Variants in JSRP1 observed in about 807,000 individuals in gnomAD.
The protein encoded by JSRP1 is 2310032K21Rik.
A neutral mutation model predicts 21.4 loss-of-function variants in JSRP1; 29 were observed. The ratio of observed to expected loss-of-function variants is 1.36; its 90% confidence interval spans 1.01 to 1.85. The LOEUF (loss-of-function observed/expected upper bound fraction) is 1.85, where lower values mean the gene tolerates loss of function less well. Ranked by LOEUF, JSRP1 falls within the 40% of genes most tolerant of loss-of-function variation. JSRP1 has a pLI of 0.00. For missense variants in JSRP1, 531 were observed against 461.5 expected (o/e 1.15, Z -1.38); for synonymous variants, 221 against 206.1 (o/e 1.07, Z -0.62).
At position 2,256,365 on chromosome 19, in the gene JSRP1, C is replaced by G. The variant is rs897560899; in HGVS notation, c.-31+18G>C. Reference sequence around the variant, plus strand: ...GGATTCCCCCAGCCTCACTTCCTTACCCCCGAGCCTCGCTTACCCGCCAGC... The same window carrying G: ...GGATTCCCCCAGCCTCACTTCCTTAGCCCCGAGCCTCGCTTACCCGCCAGC... On this transcript the variant is annotated intron_variant, in intron 1 of 6. Transcript: ENST00000300961. The G allele has an allele frequency of 6.6e-6, 1 of 152,554 alleles. No homozygotes were observed. Among genetic ancestry groups the G allele is most frequent in the Non-Finnish European group, 1.5e-5 (1 of 68,298 alleles). 9.5% of individuals were successfully genotyped at this position (152,554 alleles called of 1,614,324 possible).
chr19:2,252,255 C>T lies in JSRP1; in HGVS notation c.*74G>A. ...GTAAAGGAGCAGGTGACTCTGCGGC[C>T]GCAGCACTCGCTTTATTTCGCCAGA... On this transcript the variant is annotated 3_prime_UTR_variant, in exon 7 of 7. Transcript: ENST00000300961. 1.5e-6 allele frequency: 2 copies of T among 1,322,494 alleles called. No individual in the cohort carries two copies. The highest frequency in any genetic ancestry group is 2.5e-5 in the East Asian group (1 of 39,346). 81.9% of individuals were successfully genotyped at this position (1,322,494 alleles called of 1,614,324 possible). A position where few individuals can be genotyped will look rare whatever the true frequency, so the allele number is the denominator to read the frequency against.
chr19:2,253,264 G>A lies in JSRP1; in HGVS notation c.437-261C>T, dbSNP rs993664466. Among the ~76,000 whole-genome samples the A allele has an allele frequency of 1.0e-3, 154 of 152,234 alleles. 1 individual carries two copies. The highest frequency in any genetic ancestry group is 1.9e-3 in the Non-Finnish European group (127 of 68,030). On this transcript the variant is annotated intron_variant, in intron 5 of 6. Coordinates refer to ENST00000300961, the MANE Select transcript of JSRP1 (RefSeq NM_144616.4). Reference sequence around the variant, plus strand: ...CTGTAGGAGGCCCCTAGCAAGGGAGGGGTCGCAGGAGTGCCCCCGGGGGGC... The same window carrying A: ...CTGTAGGAGGCCCCTAGCAAGGGAGAGGTCGCAGGAGTGCCCCCGGGGGGC...
At chr19:2,256,139 T>C (rs1250902034) in intron 1 of JSRP1, among the ~76,000 whole-genome samples, 1 of 152,114 alleles carries the variant, frequency 6.6e-6, no homozygotes. Context: ...GGTGTCCCTG[T>C]ATCTAGGCTG....
At chr19:2,254,897 AT>A (rs1303021140) in intron 2 of JSRP1, among the ~76,000 whole-genome samples, 3 of 152,014 alleles carry the variant, frequency 2.0e-5, no homozygotes, top group African/African-American at 7.2e-5. Context: ...GTCTCAAAAA[AT>A]AATAATAAAA....
chr19:2,252,599 C>T lies in JSRP1; in HGVS notation c.726G>A (p.Glu242=). 6.2e-7 allele frequency: 1 copy of T among 1,612,774 alleles called. No individual in the cohort carries two copies. The highest frequency in any genetic ancestry group is 8.5e-7 in the Non-Finnish European group (1 of 1,179,918). ...GCGGCTTCTCCTTCCGCGGCTTCCC[C>T]TCTCTCCGAGGCCTCTCCTTGGGTC... The part of the protein sequence containing the change: ...DRGPKERPRR[E]GKPRKEKPRK... Residue 242 remains glutamate, a synonymous_variant, in exon 7 of 7, where the codon GAG becomes GAA. Transcript: ENST00000300961.
At chr19:2,253,571 G>A in intron 5 of JSRP1, 49 bp downstream of exon 5, 1 of 1,386,894 alleles carries the variant, frequency 7.2e-7, no homozygotes, top group Non-Finnish European at 9.3e-7. Flanking sequence ...AGGAATAGGC[G>A]CACAGGTGGA....
At position 2,254,220 on chromosome 19, in the gene JSRP1, C is replaced by T; in HGVS notation, c.229G>A (p.Gly77Arg). Residue 77 changes from glycine (G) to arginine (R), a missense_variant, in exon 4 of 7, where the codon GGA (glycine) becomes AGA (arginine). Transcript: ENST00000300961. Reference sequence around the variant, plus strand: ...GCTTTCAGCCTCTCCTTCCCCGTTCCTGGGGTCCCCCTGGCGGCAGGCTCT... The same window carrying T: ...GCTTTCAGCCTCTCCTTCCCCGTTCTTGGGGTCCCCCTGGCGGCAGGCTCT... The part of the protein sequence containing the change: ...EKEPAARGTP[G>R]TGKERLKAGA... 1.2e-6 allele frequency: 2 copies of T among 1,606,904 alleles called. No homozygotes were observed. Among genetic ancestry groups the T allele is most frequent in the Non-Finnish European group, 8.5e-7 (1 of 1,176,848 alleles).
chr19:2,253,722 C>A lies in JSRP1; in HGVS notation c.334G>T (p.Ala112Ser). Residue 112 changes from alanine (A) to serine (S), a missense_variant, in exon 5 of 7, where the codon GCC becomes TCC. By Grantham distance (99) the Ala-to-Ser change is moderately conservative. Coordinates refer to ENST00000300961, the MANE Select transcript of JSRP1 (RefSeq NM_144616.4). ...PPLQPPPPPP[A>S]LSEELPWGDL... Reference sequence around the variant, plus strand: ...CCCCAGGGCAGCTCCTCGCTCAGGGCCGGGGGCGGCGGCGGCGGCTGCAGG... The same window carrying A: ...CCCCAGGGCAGCTCCTCGCTCAGGGACGGGGGCGGCGGCGGCGGCTGCAGG... 1 of 1,492,100 alleles carries A rather than the reference C, an allele frequency of 6.7e-7. No homozygotes were observed. The highest frequency in any genetic ancestry group is 8.9e-7 in the Non-Finnish European group (1 of 1,128,974). 92.4% of individuals were successfully genotyped at this position (1,492,100 alleles called of 1,614,324 possible).
chr19:2,254,517 A>C, intron 2 of JSRP1, 35 bp from the exon 3 acceptor site: 1 of 1,610,364 alleles, frequency 6.2e-7, no homozygotes, highest in South Asian at 1.1e-5. Context: ...GGTTGTGGGG[A>C]CCCCCAGGCC....
chr19:2,252,848 G>A lies in JSRP1; in HGVS notation c.529-52C>T, dbSNP rs2025081237. ...TAAGCGCCCACCTTCCCCCCGGCCC[G>A]GGCTCCTTCTTTCCTTGGGGATGAA... On this transcript the variant is annotated intron_variant, in intron 6 of 6. Transcript: ENST00000300961. 3.1e-6 allele frequency: 5 copies of A among 1,594,780 alleles called. No homozygotes were observed. The African/African-American group carries it at 4.0e-5, about 13-fold the overall frequency.
chr19:2,253,844 C>A, intron 4 of JSRP1, 51 bp from the exon 5 acceptor site: 2 of 1,345,362 alleles, frequency 1.5e-6, no homozygotes, highest in East Asian at 6.1e-5. Context: ...TGTGCCGCCC[C>A]CTTCCCCGGG....
rs535362092 is a variant in JSRP1, at chr19:2,252,466, C to A, written c.859G>T (p.Gly287Cys). Residue 287 changes from glycine (G) to cysteine (C), a missense_variant, in exon 7 of 7, where the codon GGC (glycine) becomes TGC (cysteine). By Grantham distance (159) the Gly-to-Cys change is radical. Transcript: ENST00000300961. ...GAGTCCCGTGCCCACGGCCGGTGGC[C>A]CCCTTCGCGTGACTCCCAGCGCTGG... Reference protein sequence around the residue: ...LPQRWESREGGHRPWARDSRD... With the variant: ...LPQRWESREGCHRPWARDSRD... The A allele has an allele frequency of 6.2e-7, 1 of 1,611,754 alleles. No individual in the cohort carries two copies.
In JSRP1 at chr19:2,254,358, G is replaced by A. The variant is rs1599143095; in HGVS notation, c.148-57C>T. ...CCTTCCAGTGCCAAACCCTTCCCGT[G>A]GGCTTTAGACACCTGCCTCCCTTGG... On this transcript the variant is annotated intron_variant, in intron 3 of 6. Transcript: ENST00000300961. 3.1e-6 allele frequency: 5 copies of A among 1,599,956 alleles called. No homozygotes were observed. The East Asian group carries it at 1.1e-4, about 36-fold the overall frequency.
intron 2 of JSRP1, 95 bp from the exon 3 acceptor site, chr19:2,254,577 C>A: frequency 1.5e-6 from 2 of 1,372,948 alleles, no homozygotes; most frequent in South Asian, 1.2e-5. Context: ...GGTGACTAAC[C>A]CCATCTTATA....
Position 2,253,700 on chromosome 19 carries a change from C to T in JSRP1, c.356G>A (p.Trp119Ter). The change falls in exon 5 of 7, where the codon TGG becomes TAG. Residue 119 changes from tryptophan (W) to a stop codon, truncating the protein, a stop_gained. Transcript: ENST00000300961. LOFTEE classifies it high-confidence loss of function. Reference sequence around the variant, plus strand: ...GCACTTGTTGAGCGACAGGTCTCCCCAGGGCAGCTCCTCGCTCAGGGCCGG... The same window carrying T: ...GCACTTGTTGAGCGACAGGTCTCCCTAGGGCAGCTCCTCGCTCAGGGCCGG... ...PPPALSEELP[W>*]GDLSLNKCLV... is the part of the protein sequence containing the mutation. The T allele has an allele frequency of 1.3e-6, 2 of 1,504,704 alleles. No individual in the cohort carries two copies. Among genetic ancestry groups the T allele is most frequent in the Admixed American group, 4.2e-5 (2 of 47,108 alleles). 93.2% of individuals were successfully genotyped at this position (1,504,704 alleles called of 1,614,324 possible).
At chr19:2,254,576 C>T in intron 2 of JSRP1, 94 bp from the exon 3 acceptor site, 1 of 1,381,878 alleles carries the variant, frequency 7.2e-7, no homozygotes, top group East Asian at 2.4e-5. Flanking sequence ...GGGTGACTAA[C>T]CCCATCTTAT....
chr19:2,253,175 T>A (rs922400384), intron 5 of JSRP1, among the ~76,000 whole-genome samples, 172 bp from the exon 6 acceptor site: 1 of 152,176 alleles, frequency 6.6e-6, no homozygotes, highest in African/African-American at 2.4e-5. Flanking sequence ...GGGACTCCGC[T>A]GCCGCGGCGC....
At chr19:2,253,239 C>T (rs2145036777) in intron 5 of JSRP1, among the ~76,000 whole-genome samples, 1 of 152,358 alleles carries the variant, frequency 6.6e-6, no homozygotes, top group South Asian at 2.1e-4. Context: ...CGACCACGGG[C>T]TGTAGGAGGC....
intron 4 of JSRP1, 102 bp downstream of exon 4, chr19:2,254,085 C>T: frequency 1.1e-6 from 1 of 942,754 alleles, no homozygotes; most frequent in Middle Eastern, 2.2e-4. Flanking sequence ...GCCACTCAAC[C>T]AGGACACCAC....
Sources: gnomAD v4.1 joint callset for allele counts (sites outside exome capture counted in the v4.1 genomes callset) on GRCh38, gnomAD v4.1.1 for gene constraint, MANE v1.5 for transcripts, NCBI Gene and HGNC (gene_info 2026-07-23, HGNC 2026-07-21) for gene names.